STPG2: variants seen among roughly 807,000 people sequenced by gnomAD.
STPG2 encodes sperm tail PG-rich repeat containing 2, also known as sperm-tail PG-rich repeat-containing protein 2.
Under a neutral mutation model 54.2 loss-of-function variants are expected in STPG2, and 56 were observed. The ratio of observed to expected loss-of-function variants is 1.03; its 90% CI spans 0.83 to 1.29. The LOEUF (loss-of-function observed/expected upper bound fraction) is 1.29, where lower values mean the gene tolerates loss of function less well. Ranked by LOEUF, STPG2 falls within the 50% of genes most tolerant of loss-of-function variation. The pLI, the probability that STPG2 is intolerant of heterozygous loss-of-function variation, is 0.00. For missense variants in STPG2, 596 were observed against 544.9 expected, an observed-to-expected ratio of 1.09 and a Z score of -0.93; for synonymous variants, 200 against 181.8, an observed-to-expected ratio of 1.10 and a Z score of -0.81.
chr4:97,548,388 G>A (rs1342718197), intron 4 of STPG2, among the ~76,000 whole-genome samples: 1 of 152,120 alleles, frequency 6.6e-6, no homozygotes, highest in Non-Finnish European at 1.5e-5. Context: ...TGGAGCATCA[G>A]CATTGCCAAT....
chr4:97,949,904 A>G (rs1733401863), intron 7 of STPG2, among the ~76,000 whole-genome samples: 1 of 151,946 alleles, frequency 6.6e-6, no homozygotes, highest in Admixed American at 6.6e-5. Context: ...TTGTTTTTGC[A>G]ATGAATCTCA....
intron 5 of STPG2, among the ~76,000 whole-genome samples, chr4:98,041,077 T>G (rs1472310178): frequency 6.6e-6 from 1 of 151,886 alleles, no homozygotes; most frequent in Non-Finnish European, 1.5e-5. Context: ...TTCCTAGGTA[T>G]TTTATTATTT....
chr4:97,890,626 G>A (rs988644247), intron 8 of STPG2, among the ~76,000 whole-genome samples: 1 of 151,786 alleles, frequency 6.6e-6, no homozygotes, highest in Non-Finnish European at 1.5e-5. Flanking sequence ...CAATACTACA[G>A]TAAGGAATTA....
intron 3 of STPG2, among the ~76,000 whole-genome samples, chr4:98,109,506 T>C (rs1739285371): frequency 6.6e-6 from 1 of 152,130 alleles, no homozygotes; most frequent in South Asian, 2.1e-4. Flanking sequence ...CTGAGTCAGC[T>C]AGGGTTCCCA....
rs1732125484 is a variant in STPG2 at position 97,921,952 on chromosome 4, T to C, written c.1044+21945A>G. The stretch of plus-strand genomic sequence containing the variant: ...GACAAATTCTGCATGATTTCACTTA[T>C]ATGTTGAATGTAAGGAAATTGAACT... On this transcript the variant is annotated intron_variant, in intron 8 of 10. Transcript: ENST00000295268. Among the ~76,000 whole-genome samples, 5 of 152,172 alleles carry C rather than the reference T, an allele frequency of 3.3e-5. No homozygotes were observed. In the South Asian group the frequency reaches 1.0e-3, roughly 32 times the overall value.
intron 9 of STPG2, among the ~76,000 whole-genome samples, chr4:97,750,881 G>A (rs748248788): frequency 1.1e-4 from 16 of 151,602 alleles, no homozygotes; most frequent in Non-Finnish European, 2.4e-4. Context: ...GGTGCTTTGC[G>A]GACACTTAAT....
chr4:97,457,136 CT>C (rs1560616682), intron 4 of STPG2, among the ~76,000 whole-genome samples: 3 of 152,254 alleles, frequency 2.0e-5, no homozygotes, highest in Admixed American at 2.0e-4. Flanking sequence ...CAAAAGTACT[CT>C]TATTCCTTGC....
chr4:97,818,710 T>C (rs1727992979), intron 9 of STPG2, among the ~76,000 whole-genome samples: 1 of 151,792 alleles, frequency 6.6e-6, no homozygotes, highest in South Asian at 2.1e-4. Flanking sequence ...ATCAGTTTTC[T>C]CCTCCCCACT....
At chr4:97,979,980 C>T (rs1734619732) in intron 6 of STPG2, among the ~76,000 whole-genome samples, 1 of 152,058 alleles carries the variant, frequency 6.6e-6, no homozygotes, top group South Asian at 2.1e-4. Flanking sequence ...GCCTCAGCCT[C>T]CCCAAGTTAT....
chr4:97,712,806 C>A lies in STPG2; in HGVS notation c.1213G>T (p.Ala405Ser). 1.3e-6 allele frequency: 2 copies of A among 1,589,126 alleles called. No homozygotes were observed. The highest frequency in any genetic ancestry group is 1.2e-5 in the South Asian group (1 of 86,504). The change falls in exon 10 of 11, where the codon GCA (alanine) becomes TCA (serine). Residue 405 changes from alanine (A) to serine (S), a missense_variant. Ala to Ser is a moderately conservative substitution (Grantham distance 99). Transcript: ENST00000295268. ...GATTTCCTTAAAACAGGATTGTATGCTGCAGGACCTGAGAGACAACAAATG... is the reference window on the plus strand; with the variant it reads ...GATTTCCTTAAAACAGGATTGTATGATGCAGGACCTGAGAGACAACAAATG... ...EKVTDGPGPA[A>S]YNPVLRKSCP...
intron 5 of STPG2, among the ~76,000 whole-genome samples, chr4:98,063,649 A>G (rs966050503): frequency 6.8e-6 from 1 of 147,602 alleles, no homozygotes; most frequent in African/African-American, 2.5e-5. Flanking sequence ...AATCTCTAAA[A>G]TTAAGCAATT....
At position 97,516,849 on chromosome 4, in the gene STPG2, A is replaced by AATAT. The variant is rs61425012; in HGVS notation, c.462+195846_462+195849dup. 3.3e-3 allele frequency among the ~76,000 whole-genome samples: 495 copies of AATAT among 149,026 alleles called. 1 individual carries two copies. Among genetic ancestry groups the AATAT allele is most frequent in the Middle Eastern group, 7.0e-3 (2 of 286 alleles). ...AAGACTCCATCTCAACAACAACAAC[A>AATAT]ATATATATATATATATGGTCTGGCC... is the stretch of plus-strand genomic sequence containing the variant. On this transcript the variant is annotated intron_variant, in intron 4 of 4. Coordinates refer to the STPG2 transcript ENST00000522676.
At chr4:97,561,722 C>G (rs1452704369) in intron 10 of STPG2, among the ~76,000 whole-genome samples, 5 of 152,092 alleles carry the variant, frequency 3.3e-5, no homozygotes, top group Non-Finnish European at 7.4e-5. Context: ...GCTTGTTTTT[C>G]TCAGGTTTGT....
chr4:97,490,632 C>T (rs1400375429), intron 4 of STPG2, among the ~76,000 whole-genome samples: 1 of 151,528 alleles, frequency 6.6e-6, no homozygotes, highest in Non-Finnish European at 1.5e-5. Context: ...AGTAACAATA[C>T]AAAACAGTTC....
At chr4:97,621,974 A>G (rs1319556367) in intron 10 of STPG2, among the ~76,000 whole-genome samples, 2 of 152,236 alleles carry the variant, frequency 1.3e-5, no homozygotes, top group Non-Finnish European at 2.9e-5. Context: ...GGTTCAGCAC[A>G]TGCAAATCAA....
chr4:97,822,318 G>A (rs1728119112), intron 9 of STPG2, among the ~76,000 whole-genome samples: 1 of 152,144 alleles, frequency 6.6e-6, no homozygotes, highest in South Asian at 2.1e-4. Flanking sequence ...TGTCAGCCCA[G>A]AATTCACTGT....
chr4:97,548,995 C>T (rs935365814), intron 4 of STPG2, among the ~76,000 whole-genome samples: 1 of 24,360 alleles, frequency 4.1e-5, no homozygotes, highest in African/African-American at 5.8e-4. Context: ...TAAACTATAT[C>T]CACCACAATA....
At chr4:97,473,246 T>C (rs1246470404) in intron 4 of STPG2, among the ~76,000 whole-genome samples, 1 of 152,190 alleles carries the variant, frequency 6.6e-6, no homozygotes, top group African/African-American at 2.4e-5. Flanking sequence ...TGACCGCTGG[T>C]GAGCTGGGTG....
intron 9 of STPG2, among the ~76,000 whole-genome samples, chr4:97,812,759 G>A (rs915990548): frequency 5.3e-5 from 8 of 152,018 alleles, no homozygotes; most frequent in Non-Finnish European, 8.8e-5. Flanking sequence ...CAATCTCATG[G>A]ATAGAATGGC....
Sources: allele counts gnomAD v4.1 joint callset (sites outside exome capture counted in the v4.1 genomes callset), GRCh38; gene constraint gnomAD v4.1.1; transcripts MANE v1.5; gene names NCBI Gene and HGNC (gene_info 2026-07-23, HGNC 2026-07-21).